Variants in CCDC191 observed in about 807,000 individuals in gnomAD.
CCDC191 encodes coiled-coil domain containing 191, also known as coiled-coil domain-containing protein 191.
Under a neutral mutation model 114.0 loss-of-function variants are expected in CCDC191, and 99 were observed. The observed-to-expected ratio is 0.87, with a 90% CI of 0.74 to 1.03. The LOEUF is 1.03. CCDC191 is among the 50% of genes least tolerant of loss of function. The pLI is 0.00. For missense variants in CCDC191, 973 were observed against 1,087.0 expected (o/e 0.90, Z 1.47); for synonymous variants, 351 against 376.0 (o/e 0.93, Z 0.77).
chr3:113,986,757 A>G (rs965445259), intron 13 of CCDC191, among the ~76,000 whole-genome samples: 1 of 152,170 alleles, frequency 6.6e-6, no homozygotes, highest in Non-Finnish European at 1.5e-5. Context: ...TAATGTCCTT[A>G]TAAGAAGCGA....
intron 8 of CCDC191, among the ~76,000 whole-genome samples, chr3:114,017,973 G>A (rs1317050072): frequency 6.6e-6 from 1 of 152,128 alleles, no homozygotes; most frequent in Non-Finnish European, 1.5e-5. Context: ...ATTTTAAGAT[G>A]ATGGAATAAA....
intron 13 of CCDC191, among the ~76,000 whole-genome samples, chr3:113,998,006 A>AC (rs996560120): frequency 4.6e-5 from 7 of 151,432 alleles, no homozygotes; most frequent in African/African-American, 1.7e-4. Context: ...GTACTCCTTA[A>AC]TTAAAAAAAA....
chr3:114,046,566 C>T (rs778020634), intron 3 of CCDC191, 25 bp downstream of exon 3: 4 of 1,335,480 alleles, frequency 3.0e-6, no homozygotes, highest in South Asian at 1.2e-5. Context: ...TTGTTAACAT[C>T]GCAGCAGAAA....
In CCDC191 at chr3:114,022,461, C is replaced by T. The variant is rs942557042; in HGVS notation, c.973-3593G>A. Among the ~76,000 whole-genome samples the T allele has an allele frequency of 4.6e-5, 7 of 152,050 alleles. No individual in the cohort carries two copies. In the East Asian group the frequency reaches 1.3e-3, roughly 29 times the overall value. On this transcript the variant is annotated intron_variant, in intron 7 of 16. Coordinates refer to ENST00000295878, the MANE Select transcript of CCDC191 (RefSeq NM_020817.2). Reference sequence around the variant, plus strand: ...CAGTGATAATTGCATCAAAATTCTCCGTCATGGAAAAATAAACAATGAATT... The same window carrying T: ...CAGTGATAATTGCATCAAAATTCTCTGTCATGGAAAAATAAACAATGAATT...
At chr3:114,024,565 C>T (rs569525965) in intron 7 of CCDC191, among the ~76,000 whole-genome samples, 4 of 152,242 alleles carry the variant, frequency 2.6e-5, no homozygotes, top group South Asian at 4.1e-4. Context: ...ACAGATGAAG[C>T]TGGAAACCAT....
chr3:114,005,555 C>G lies in CCDC191; in HGVS notation c.1821G>C (p.Leu607=). 1 of 1,613,712 alleles carries G rather than the reference C, an allele frequency of 6.2e-7. No homozygotes were observed. The highest frequency in any genetic ancestry group is 8.5e-7 in the Non-Finnish European group (1 of 1,179,898). ...LAVTEAQSHL[L]SKPREEEPRT... Reference sequence around the variant, plus strand: ...TTGGTTCCTCTTCTCTGGGCTTTGACAGCAGGTGGCTCTGTGCTTCTGTGA... The same window carrying G: ...TTGGTTCCTCTTCTCTGGGCTTTGAGAGCAGGTGGCTCTGTGCTTCTGTGA... Residue 607 remains leucine (L), a synonymous_variant, in exon 10 of 17, where the codon CTG becomes CTC. Transcript: ENST00000295878.
chr3:114,031,729 A>T lies in CCDC191; in HGVS notation c.869T>A (p.Met290Lys), dbSNP rs747759280. 1.3e-6 allele frequency: 2 copies of T among 1,544,234 alleles called. No homozygotes were observed. Among genetic ancestry groups the T allele is most frequent in the African/African-American group, 1.4e-5 (1 of 73,562 alleles). The change falls in exon 7 of 17, where the codon ATG (methionine) becomes AAG (lysine). Residue 290 changes from methionine (M) to lysine (K), a missense_variant. Transcript: ENST00000295878. ...ENSQNSSEKVMFQSTHILPDE... is the reference protein window; with the variant it reads ...ENSQNSSEKVKFQSTHILPDE... Reference sequence around the variant, plus strand: ...TGGAAGAATGTGAGTACTTTGAAACATGACTTTTTCTGAACTATTTTGAGA... The same window carrying T: ...TGGAAGAATGTGAGTACTTTGAAACTTGACTTTTTCTGAACTATTTTGAGA...
At chr3:114,042,438 G>A (rs530814295) in intron 4 of CCDC191, among the ~76,000 whole-genome samples, 2 of 152,240 alleles carry the variant, frequency 1.3e-5, no homozygotes, top group African/African-American at 2.4e-5. Context: ...GGTATCTGTG[G>A]GGGCCAGGGG....
chr3:114,024,830 C>A (rs1296066471), intron 7 of CCDC191, among the ~76,000 whole-genome samples: 2 of 152,108 alleles, frequency 1.3e-5, no homozygotes, highest in Admixed American at 1.3e-4. Context: ...TGCACATGTA[C>A]CCTAAAACTT....
Position 114,004,605 on chromosome 3 carries a change from AACCACCAAGGCC to A in CCDC191, c.1978+20_1978+31del. ...ATTCTACTCTAGGAGAGAAGATAAC[AACCACCAAGGCC>A]ACCACCGAGACAGCCCTGCCTTTTA... On this transcript the variant is annotated intron_variant, in intron 11 of 16. Transcript: ENST00000295878. 1 of 1,537,820 alleles carries A rather than the reference AACCACCAAGGCC, an allele frequency of 6.5e-7. No individual in the cohort carries two copies. The highest frequency in any genetic ancestry group is 8.7e-7 in the Non-Finnish European group (1 of 1,144,692).
rs189488516 is a variant in CCDC191 at position 114,024,766 on chromosome 3, G to A, written c.973-5898C>T. On this transcript the variant is annotated intron_variant, in intron 7 of 16. Transcript: ENST00000295878. ...CCTAATGTTAAATGACAAGTTAATG[G>A]GTGCGGCACACCAACATGGCACATA... Among the ~76,000 whole-genome samples, 769 of 152,186 alleles carry A rather than the reference G, an allele frequency of 5.1e-3. 8 individuals carry two copies. Among genetic ancestry groups the A allele is most frequent in the African/African-American group, 0.017 (698 of 41,510 alleles).
intron 7 of CCDC191, among the ~76,000 whole-genome samples, chr3:114,027,238 G>C (rs1472338946): frequency 6.6e-6 from 1 of 152,232 alleles, no homozygotes; most frequent in African/African-American, 2.4e-5. Flanking sequence ...TTTGATAAGA[G>C]AGCCTGCACT....
At chr3:114,030,262 A>G (rs2076385689) in intron 7 of CCDC191, among the ~76,000 whole-genome samples, 1 of 152,174 alleles carries the variant, frequency 6.6e-6, no homozygotes, top group Non-Finnish European at 1.5e-5. Flanking sequence ...AGTTCCATCT[A>G]AAATATATAT....
intron 16 of CCDC191, among the ~76,000 whole-genome samples, chr3:113,973,389 A>G (rs1289485609): frequency 6.6e-6 from 1 of 152,014 alleles, no homozygotes; most frequent in African/African-American, 2.4e-5. Context: ...CATGTACTTA[A>G]TTTTATCAGT....
chr3:113,973,353 C>T (rs994176672), intron 16 of CCDC191, among the ~76,000 whole-genome samples: 1 of 152,120 alleles, frequency 6.6e-6, no homozygotes, highest in African/African-American at 2.4e-5. Flanking sequence ...ACCACAATTA[C>T]AGTATTAGAG....
rs145231566 is a variant in CCDC191, at chr3:114,013,669, T to C, written c.1164-2648A>G. Reference sequence around the variant, plus strand: ...CTAGCCAGAGTATATAAATTGATCATCACAATGATATATAACTGCATGCAG... The same window carrying C: ...CTAGCCAGAGTATATAAATTGATCACCACAATGATATATAACTGCATGCAG... On this transcript the variant is annotated intron_variant, in intron 8 of 16. Coordinates refer to ENST00000295878, the MANE Select transcript of CCDC191 (RefSeq NM_020817.2). Among the ~76,000 whole-genome samples the C allele has an allele frequency of 6.1e-4, 93 of 152,288 alleles. 1 individual carries two copies. The highest frequency in any genetic ancestry group is 2.2e-3 in the African/African-American group (90 of 41,558).
chr3:114,043,891 A>G (rs2076595988), intron 3 of CCDC191, among the ~76,000 whole-genome samples: 1 of 152,124 alleles, frequency 6.6e-6, no homozygotes, highest in Non-Finnish European at 1.5e-5. Flanking sequence ...CATGAGAGAA[A>G]GAAATCTATG....
chr3:114,052,763 A>G (rs1018566340), intron 2 of CCDC191, among the ~76,000 whole-genome samples: 1 of 152,186 alleles, frequency 6.6e-6, no homozygotes, highest in African/African-American at 2.4e-5. Flanking sequence ...CTTAAAAATT[A>G]TTACATCTGG....
At chr3:113,980,298 TG>T (rs2075099871) in intron 14 of CCDC191, among the ~76,000 whole-genome samples, 1 of 152,160 alleles carries the variant, frequency 6.6e-6, no homozygotes, top group South Asian at 2.1e-4. Context: ...CACTGATATT[TG>T]GGGGTTGTCT....
Sources: gnomAD v4.1 joint callset for allele counts (sites outside exome capture counted in the v4.1 genomes callset) on GRCh38, gnomAD v4.1.1 for gene constraint, MANE v1.5 for transcripts, NCBI Gene and HGNC (gene_info 2026-07-23, HGNC 2026-07-21) for gene names.